The following CNST variants were observed in gnomAD, a reference collection of about 807,000 sequenced individuals.
The protein encoded by CNST is consortin, connexin sorting protein, also known as consortin.
CNST carries 39 observed loss-of-function variants against 72.4 expected under a neutral mutation model. The ratio of observed to expected loss-of-function variants is 0.54; its 90% CI spans 0.42 to 0.70. CNST has a LOEUF of 0.70. Among genes scored for constraint, CNST ranks in the 30% least tolerant of loss-of-function variants. CNST has a pLI of 0.00. For missense variants in CNST, 871 were observed against 868.5 expected (o/e 1.00, Z -0.04); for synonymous variants, 332 against 320.1 (o/e 1.04, Z -0.40).
intron 2 of CNST, among the ~76,000 whole-genome samples, chr1:246,604,809 C>G (rs1662591617): frequency 6.6e-6 from 1 of 151,684 alleles, no homozygotes; most frequent in African/African-American, 2.4e-5. Context: ...GCTGGGATTA[C>G]AGGCATGCAC....
intron 1 of CNST, among the ~76,000 whole-genome samples, chr1:246,572,895 A>G (rs1660152913): frequency 6.6e-6 from 1 of 152,128 alleles, no homozygotes; most frequent in Non-Finnish European, 1.5e-5. Context: ...TGAAACAACA[A>G]CTAACATTTT....
chr1:246,589,261 C>T (rs1661385469), intron 1 of CNST, among the ~76,000 whole-genome samples: 1 of 129,292 alleles, frequency 7.7e-6, no homozygotes, highest in Non-Finnish European at 1.6e-5. Context: ...GCTATCCCTC[C>T]CCCTCCCCCC....
At chr1:246,632,235 A>G (rs770086990) in intron 4 of CNST, 1 of 284,662 alleles carries the variant, frequency 3.5e-6, no homozygotes, top group Non-Finnish European at 6.6e-6. Flanking sequence ...TGTACAGAAC[A>G]CTCAACAGTG....
intron 2 of CNST, chr1:246,608,231 T>C (rs554333390): frequency 6.6e-6 from 1 of 152,300 alleles, no homozygotes; most frequent in Non-Finnish European, 1.5e-5. Flanking sequence ...TGAGGTCCCA[T>C]TGACTCAAGA....
intron 1 of CNST, among the ~76,000 whole-genome samples, chr1:246,584,680 C>T (rs988069566): frequency 6.6e-5 from 10 of 152,124 alleles, no homozygotes; most frequent in African/African-American, 2.4e-4. Flanking sequence ...TCTCAGTAGA[C>T]CGTCCCGGCA....
At chr1:246,644,812 A>G (rs1446987359) in intron 8 of CNST, among the ~76,000 whole-genome samples, 4 of 152,106 alleles carry the variant, frequency 2.6e-5, no homozygotes, top group Non-Finnish European at 5.9e-5. Context: ...CATCTTCTGA[A>G]CCTTTGGGTA....
chr1:246,600,173 A>G (rs1429991533), intron 2 of CNST, among the ~76,000 whole-genome samples: 1 of 152,250 alleles, frequency 6.6e-6, no homozygotes, highest in African/African-American at 2.4e-5. Context: ...AGACAAGAAG[A>G]GAGCATCCTA....
intron 10 of CNST, among the ~76,000 whole-genome samples, chr1:246,665,221 T>G (rs912008644): frequency 1.3e-5 from 2 of 151,598 alleles, no homozygotes; most frequent in Non-Finnish European, 2.9e-5. Flanking sequence ...AAATAAAAAA[T>G]AAATAGCCAG....
At chr1:246,572,508 G>A (rs1334092502) in intron 1 of CNST, among the ~76,000 whole-genome samples, 3 of 96,658 alleles carry the variant, frequency 3.1e-5, no homozygotes, top group African/African-American at 1.2e-4. Flanking sequence ...AAGGATTTTT[G>A]TGAAAATGTG....
chr1:246,604,193 G>A (rs1285940723), intron 2 of CNST, among the ~76,000 whole-genome samples: 3 of 152,096 alleles, frequency 2.0e-5, no homozygotes, highest in Non-Finnish European at 2.9e-5. Flanking sequence ...GGCAGAGGCT[G>A]CAGTGAGCCG....
intron 3 of CNST, among the ~76,000 whole-genome samples, chr1:246,628,169 C>G (rs1664561101): frequency 6.6e-6 from 1 of 152,036 alleles, no homozygotes; most frequent in Admixed American, 6.6e-5. Context: ...TAGATGGTGT[C>G]CACCAGTTTA....
chr1:246,611,338 T>C (rs1234154791), intron 2 of CNST, among the ~76,000 whole-genome samples: 1 of 151,970 alleles, frequency 6.6e-6, no homozygotes, highest in African/African-American at 2.4e-5. Context: ...TTCTGGATGT[T>C]GTTTTTTTTT....
At chr1:246,567,193 A>G (rs1377861795) in intron 1 of CNST, among the ~76,000 whole-genome samples, 2 of 152,228 alleles carry the variant, frequency 1.3e-5, no homozygotes, top group African/African-American at 4.8e-5. Context: ...AAGATGTAAA[A>G]GCTTACAATT....
chr1:246,591,519 A>C lies in CNST; in HGVS notation c.-44A>C, dbSNP rs541359727. 6.2e-7 allele frequency: 1 copy of C among 1,604,874 alleles called. No homozygotes were observed. The highest frequency in any genetic ancestry group is 1.3e-5 in the African/African-American group (1 of 74,618). On this transcript the variant is annotated 5_prime_UTR_variant, in exon 2 of 11. Transcript: ENST00000366513. ...TTCTTTTTGTCATTGTAGACATGGA[A>C]GGTCTTTAATGTAACTTTAAATGGT...
chr1:246,644,394 A>G (rs1324339439), intron 8 of CNST, among the ~76,000 whole-genome samples: 13 of 132,098 alleles, frequency 9.8e-5, no homozygotes, highest in Admixed American at 8.2e-4. Context: ...TCTCCAAAAA[A>G]AAAAAAAAAA....
intron 3 of CNST, among the ~76,000 whole-genome samples, chr1:246,626,560 T>G (rs1664453291): frequency 6.9e-6 from 1 of 145,798 alleles, no homozygotes; most frequent in Non-Finnish European, 1.5e-5. Flanking sequence ...CGAGTTCAGG[T>G]GATCTCCTGT....
chr1:246,576,000 C>T (rs1319338373), intron 1 of CNST, among the ~76,000 whole-genome samples: 1 of 151,120 alleles, frequency 6.6e-6, no homozygotes, highest in Admixed American at 6.6e-5. Flanking sequence ...TTTGGGAGGC[C>T]GAGGCGAGCA....
chr1:246,606,813 T>G (rs3124245), intron 2 of CNST: 3 of 152,142 alleles, frequency 2.0e-5, no homozygotes, highest in African/African-American at 4.8e-5. Flanking sequence ...GGAAGTAAGA[T>G]GAATCCAGGT....
chr1:246,581,897 TATC>T (rs1303475309), intron 1 of CNST, among the ~76,000 whole-genome samples: 9 of 152,338 alleles, frequency 5.9e-5, no homozygotes, highest in Admixed American at 2.0e-4. Context: ...TGTCTGCTAA[TATC>T]ATAGGCAAAA....
Sources: gnomAD v4.1 joint callset for allele counts (sites outside exome capture counted in the v4.1 genomes callset) on GRCh38, gnomAD v4.1.1 for gene constraint, MANE v1.5 for transcripts, NCBI Gene and HGNC (gene_info 2026-07-23, HGNC 2026-07-21) for gene names.